ZBTB20: variants seen among roughly 807,000 people sequenced by gnomAD.
ZBTB20 encodes zinc finger and BTB domain-containing protein 20.
ZBTB20 carries 9 observed loss-of-function variants against 56.9 expected under a neutral mutation model. The observed-to-expected ratio is 0.16, with a 90% CI of 0.10 to 0.28. The LOEUF (loss-of-function observed/expected upper bound fraction) is 0.28, where lower values mean the gene tolerates loss of function less well. Ranked by LOEUF, ZBTB20 falls within the 10% of genes least tolerant of loss-of-function variation. The probability of loss-of-function intolerance (pLI) is 1.00; values close to 1 mark genes in which losing one functional copy is unlikely to be tolerated. For synonymous variants in ZBTB20, 417 were observed against 420.7 expected (o/e 0.99, Z 0.11); for missense variants, 655 against 1,003.0 (o/e 0.65, Z 4.69).
intron 7 of ZBTB20, among the ~76,000 whole-genome samples, chr3:114,460,486 T>G (rs2092281807): frequency 1.3e-5 from 2 of 152,306 alleles, no homozygotes; most frequent in South Asian, 4.1e-4. Context: ...AGTTAGCAGA[T>G]GTGATGACAG....
chr3:114,988,298 T>C (rs1473092005), intron 2 of ZBTB20, among the ~76,000 whole-genome samples: 1 of 136,520 alleles, frequency 7.3e-6, no homozygotes, highest in Non-Finnish European at 1.6e-5. Flanking sequence ...CCCCTTCCGG[T>C]GTCCACGTGT....
At chr3:114,354,095 T>C (rs920956893) in intron 10 of ZBTB20, among the ~76,000 whole-genome samples, 2 of 152,234 alleles carry the variant, frequency 1.3e-5, no homozygotes, top group Non-Finnish European at 2.9e-5. Context: ...AGTGTGGCTT[T>C]TATGTTTTTA....
intron 3 of ZBTB20, among the ~76,000 whole-genome samples, chr3:114,952,729 T>C (rs2077113071): frequency 6.6e-6 from 1 of 152,016 alleles, no homozygotes. Context: ...GACTGTGGAA[T>C]TCTCATCAGA....
intron 1 of ZBTB20, among the ~76,000 whole-genome samples, chr3:115,111,810 C>T (rs2083890911): frequency 6.6e-6 from 1 of 152,054 alleles, no homozygotes. Flanking sequence ...AAGGAATGGG[C>T]ACAGAAGAAA....
At chr3:114,778,456 C>T (rs946113870) in intron 5 of ZBTB20, among the ~76,000 whole-genome samples, 19 of 151,742 alleles carry the variant, frequency 1.3e-4, no homozygotes, top group African/African-American at 4.4e-4. Flanking sequence ...TTCTCTAGTT[C>T]ATCGTTAAAA....
At chr3:115,119,751 G>A (rs1040924604) in intron 1 of ZBTB20, among the ~76,000 whole-genome samples, 2 of 152,064 alleles carry the variant, frequency 1.3e-5, no homozygotes, top group Admixed American at 6.6e-5. Flanking sequence ...TCAATTTCAC[G>A]ATTCCGATTC....
At chr3:115,143,023 A>G (rs1454539426) in intron 1 of ZBTB20, among the ~76,000 whole-genome samples, 2 of 152,236 alleles carry the variant, frequency 1.3e-5, no homozygotes, top group Admixed American at 6.5e-5. Context: ...AAAAAAATTA[A>G]AAAGGAAAAA....
chr3:114,468,236 T>C (rs1239642898), intron 7 of ZBTB20, among the ~76,000 whole-genome samples: 1 of 152,192 alleles, frequency 6.6e-6, no homozygotes, highest in Non-Finnish European at 1.5e-5. Flanking sequence ...AGAAATCTTA[T>C]TCTTCATTGT....
At chr3:115,033,397 T>C (rs2080783876) in intron 2 of ZBTB20, among the ~76,000 whole-genome samples, 1 of 151,584 alleles carries the variant, frequency 6.6e-6, no homozygotes, top group African/African-American at 2.4e-5. Flanking sequence ...AGAAAAGTCC[T>C]GGACCTGATG....
chr3:114,866,919 T>C (rs2075789083), intron 4 of ZBTB20, among the ~76,000 whole-genome samples: 1 of 152,196 alleles, frequency 6.6e-6, no homozygotes, highest in Admixed American at 6.5e-5. Flanking sequence ...TCCACAGTCA[T>C]GTGAGTCAAT....
chr3:114,828,281 T>C (rs984245403), intron 4 of ZBTB20, among the ~76,000 whole-genome samples: 2 of 151,706 alleles, frequency 1.3e-5, no homozygotes, highest in Non-Finnish European at 3.0e-5. Flanking sequence ...TTATTGCACA[T>C]ACATATTTTT....
chr3:114,616,737 C>T (rs2057972029), intron 6 of ZBTB20, among the ~76,000 whole-genome samples: 1 of 152,178 alleles, frequency 6.6e-6, no homozygotes, highest in Non-Finnish European at 1.5e-5. Context: ...TGACTAAATC[C>T]AACTGCCAGT....
Position 114,753,390 on chromosome 3 carries a change from T to C in ZBTB20, c.-343+47711A>G, listed in dbSNP as rs909213581. On this transcript the variant is annotated intron_variant, in intron 5 of 11. Transcript: ENST00000675478. ...TATATATAATGTATATACACATACA[T>C]GTATGTATATATATACACACACGTA... 5.9e-4 allele frequency among the ~76,000 whole-genome samples: 69 copies of C among 116,474 alleles called. 7 individuals carry two copies. Among genetic ancestry groups the C allele is most frequent in the Middle Eastern group, 8.7e-3 (2 of 230 alleles). 76.4% of individuals were successfully genotyped at this position (116,474 alleles called of 152,430 possible). A position where few individuals can be genotyped will look rare whatever the true frequency, so the allele number is the denominator to read the frequency against.
chr3:114,669,502 T>A lies in ZBTB20; in HGVS notation c.-295+24026A>T, dbSNP rs571204505. ...TTATAAACCAATAATTTTAGATTACTGAACCAACCAGACTAATATTCCCTT... is the reference window on the plus strand; with the variant it reads ...TTATAAACCAATAATTTTAGATTACAGAACCAACCAGACTAATATTCCCTT... On this transcript the variant is annotated intron_variant, in intron 6 of 11. Coordinates refer to ENST00000675478, the MANE Select transcript of ZBTB20 (RefSeq NM_001348800.3). Among the ~76,000 whole-genome samples, 25 of 152,126 alleles carry A rather than the reference T, an allele frequency of 1.6e-4. 1 individual carries two copies. The South Asian group carries it at 5.0e-3, about 30-fold the overall frequency.
At chr3:114,879,404 A>T (rs2076313262) in intron 4 of ZBTB20, among the ~76,000 whole-genome samples, 1 of 152,196 alleles carries the variant, frequency 6.6e-6, no homozygotes. Flanking sequence ...AGAAATAATT[A>T]GACACTGCAC....
At chr3:115,057,439 T>C (rs1299679322) in intron 2 of ZBTB20, among the ~76,000 whole-genome samples, 1 of 152,138 alleles carries the variant, frequency 6.6e-6, no homozygotes, top group African/African-American at 2.4e-5. Flanking sequence ...CCACTTCATA[T>C]ATAATATCAA....
intron 3 of ZBTB20, among the ~76,000 whole-genome samples, chr3:114,929,942 T>C (rs2076294943): frequency 6.6e-6 from 1 of 152,254 alleles, no homozygotes; most frequent in Admixed American, 6.5e-5. Context: ...AAGTTTCCCT[T>C]ATTCTTACTT....
chr3:114,524,155 A>C (rs1395374546), intron 6 of ZBTB20, among the ~76,000 whole-genome samples: 1 of 152,214 alleles, frequency 6.6e-6, no homozygotes. Flanking sequence ...GCATATGAGA[A>C]GCTATGGGTA....
intron 3 of ZBTB20, among the ~76,000 whole-genome samples, chr3:114,917,774 CAT>C (rs2075802600): frequency 6.8e-6 from 1 of 147,240 alleles, no homozygotes; most frequent in Non-Finnish European, 1.5e-5. Context: ...CTGGGAGAGA[CAT>C]AATACAAGTT....
Sources: allele counts gnomAD v4.1 joint callset (sites outside exome capture counted in the v4.1 genomes callset), GRCh38; gene constraint gnomAD v4.1.1; transcripts MANE v1.5; gene names NCBI Gene and HGNC (gene_info 2026-07-23, HGNC 2026-07-21).